Variants in WWOX observed in about 807,000 individuals in gnomAD.
WWOX encodes the protein WW domain containing oxidoreductase, also known as WW domain-containing oxidoreductase.
In WWOX, 69 loss-of-function variants were observed where a neutral mutation model predicts 46.2. That is an observed-to-expected ratio of 1.49 (90% CI 1.23 to 1.82). WWOX has a LOEUF of 1.82. Ranked by LOEUF, WWOX falls within the 40% of genes most tolerant of loss-of-function variation. The probability of loss-of-function intolerance (pLI) is 0.00; values close to 1 mark genes in which losing one functional copy is unlikely to be tolerated. For missense variants in WWOX, 919 were observed against 542.6 expected (o/e 1.69, Z -6.89); for synonymous variants, 359 against 202.6 (o/e 1.77, Z -6.56).
At position 78,466,038 on chromosome 16, in the gene WWOX, T is replaced by G. The variant is rs541074993; in HGVS notation, c.1056+33286T>G. Among the ~76,000 whole-genome samples, 3 of 128,998 alleles carry G rather than the reference T, an allele frequency of 2.3e-5. No homozygotes were observed. In the East Asian group the frequency reaches 6.0e-4, roughly 26 times the overall value. 84.6% of individuals were successfully genotyped at this position (128,998 alleles called of 152,430 possible). ...GTTTCTTTAGTTTTTTTTGGTTTTTTGTTTTTTTTTTGAGACGGAGTCTTG... is the reference window on the plus strand; with the variant it reads ...GTTTCTTTAGTTTTTTTTGGTTTTTGGTTTTTTTTTTGAGACGGAGTCTTG... On this transcript the variant is annotated intron_variant, in intron 8 of 8. Transcript: ENST00000566780.
At chr16:78,244,025 C>G (rs936384365) in intron 5 of WWOX, among the ~76,000 whole-genome samples, 2 of 152,210 alleles carry the variant, frequency 1.3e-5, no homozygotes, top group Non-Finnish European at 2.9e-5. Context: ...CCTCTGAAAG[C>G]CCTTCACTGC....
At chr16:78,630,880 C>A (rs1455634320) in intron 8 of WWOX, among the ~76,000 whole-genome samples, 1 of 118,218 alleles carries the variant, frequency 8.5e-6, no homozygotes, top group Non-Finnish European at 2.1e-5. Context: ...CAGTCAGCCC[C>A]CCTCTCTCTG....
chr16:78,816,147 G>C (rs2051324309), intron 8 of WWOX, among the ~76,000 whole-genome samples: 1 of 152,158 alleles, frequency 6.6e-6, no homozygotes, highest in South Asian at 2.1e-4. Flanking sequence ...AGTATCTGTT[G>C]TTTAAACTAA....
chr16:78,148,811 T>C (rs947006080), intron 4 of WWOX, among the ~76,000 whole-genome samples: 1 of 134,810 alleles, frequency 7.4e-6, no homozygotes, highest in Non-Finnish European at 1.5e-5. Context: ...GGCAGGAGAA[T>C]GGCGTGAACC....
chr16:78,453,081 A>G (rs1469191972), intron 8 of WWOX, among the ~76,000 whole-genome samples: 1 of 151,916 alleles, frequency 6.6e-6, no homozygotes, highest in African/African-American at 2.4e-5. Flanking sequence ...GGGTTTCATC[A>G]TGTTGGCCAG....
chr16:79,121,909 A>T (rs1400616684), intron 8 of WWOX, among the ~76,000 whole-genome samples: 1 of 152,166 alleles, frequency 6.6e-6, no homozygotes, highest in Non-Finnish European at 1.5e-5. Context: ...TTAATATCCC[A>T]TCCAGCCCCC....
chr16:78,830,703 G>C (rs1344826599), intron 8 of WWOX, among the ~76,000 whole-genome samples: 3 of 151,732 alleles, frequency 2.0e-5, no homozygotes, highest in Non-Finnish European at 2.9e-5. Flanking sequence ...GCAGCTTTCT[G>C]GGCTGTTCAG....
At chr16:78,420,624 TAG>T (rs979723969) in intron 6 of WWOX, among the ~76,000 whole-genome samples, 2 of 149,644 alleles carry the variant, frequency 1.3e-5, no homozygotes, top group African/African-American at 5.0e-5. Context: ...AGAGTGTAGG[TAG>T]ATAGAGGGTG....
At chr16:78,747,588 C>G (rs1243800918) in intron 8 of WWOX, among the ~76,000 whole-genome samples, 1 of 152,166 alleles carries the variant, frequency 6.6e-6, no homozygotes, top group African/African-American at 2.4e-5. Context: ...AGCTGAGTTA[C>G]TTAGCTAGCA....
chr16:79,043,878 C>T (rs1296680713), intron 8 of WWOX, among the ~76,000 whole-genome samples: 2 of 152,182 alleles, frequency 1.3e-5, no homozygotes, highest in African/African-American at 2.4e-5. Flanking sequence ...CTCTGGCCTC[C>T]AAGGCCAGTA....
chr16:79,096,519 C>G (rs1479362474), intron 8 of WWOX, among the ~76,000 whole-genome samples: 1 of 152,154 alleles, frequency 6.6e-6, no homozygotes, highest in Admixed American at 6.5e-5. Context: ...ACAGGGCTGG[C>G]CCATCCTTTC....
chr16:78,138,886 G>A (rs1456444417), intron 4 of WWOX, among the ~76,000 whole-genome samples: 1 of 152,170 alleles, frequency 6.6e-6, no homozygotes, highest in Non-Finnish European at 1.5e-5. Context: ...ATTACCTACA[G>A]CTGCTCAAAG....
At chr16:78,875,049 C>T (rs762835560) in intron 8 of WWOX, among the ~76,000 whole-genome samples, 9 of 152,268 alleles carry the variant, frequency 5.9e-5, no homozygotes, top group Middle Eastern at 3.4e-3. Flanking sequence ...GTTACTATTT[C>T]ATTTGCAGCA....
intron 6 of WWOX, among the ~76,000 whole-genome samples, chr16:78,408,727 T>G (rs143273653): frequency 1.2e-3 from 184 of 152,286 alleles, no homozygotes; most frequent in African/African-American, 4.3e-3. Context: ...ACAGCTAATT[T>G]GCAGATAAAG....
At chr16:79,093,451 C>G (rs533510679) in intron 8 of WWOX, among the ~76,000 whole-genome samples, 7 of 152,182 alleles carry the variant, frequency 4.6e-5, no homozygotes, top group East Asian at 3.9e-4. Flanking sequence ...TTAGATAGAG[C>G]TTTTATTTGC....
intron 8 of WWOX, among the ~76,000 whole-genome samples, chr16:78,781,391 A>G (rs1451220486): frequency 1.3e-5 from 2 of 152,170 alleles, no homozygotes; most frequent in East Asian, 3.9e-4. Context: ...GTATTCCGTC[A>G]GTCTTACTAC....
intron 8 of WWOX, among the ~76,000 whole-genome samples, chr16:78,633,464 T>A (rs1441894102): frequency 2.0e-5 from 3 of 152,162 alleles, no homozygotes; most frequent in Non-Finnish European, 4.4e-5. Context: ...CGTATGACTT[T>A]AAAACAGAAC....
At chr16:78,801,047 C>A in intron 8 of WWOX, among the ~76,000 whole-genome samples, 1 of 151,782 alleles carries the variant, frequency 6.6e-6, no homozygotes. Context: ...TTGTCATTCT[C>A]TCTCTACCTC....
At chr16:78,758,571 A>T (rs571501200) in intron 8 of WWOX, among the ~76,000 whole-genome samples, 1 of 152,142 alleles carries the variant, frequency 6.6e-6, no homozygotes, top group Non-Finnish European at 1.5e-5. Flanking sequence ...TCCAAGTGCT[A>T]CCTCTGCATG....
Sources: allele counts gnomAD v4.1 joint callset (sites outside exome capture counted in the v4.1 genomes callset), GRCh38; gene constraint gnomAD v4.1.1; transcripts MANE v1.5; gene names NCBI Gene and HGNC (gene_info 2026-07-23, HGNC 2026-07-21).